NAA35: variants seen among roughly 807,000 people sequenced by gnomAD.
NAA35 encodes the protein N-alpha-acetyltransferase 35, NatC auxiliary subunit, also known as MAK10 homolog, amino-acid N-acetyltransferase subunit.
NAA35 carries 18 observed loss-of-function variants against 101.7 expected under a neutral mutation model. That is an observed-to-expected ratio of 0.18 (90% CI 0.12 to 0.26). The LOEUF (loss-of-function observed/expected upper bound fraction) is 0.26, where lower values mean the gene tolerates loss of function less well. Ranked by LOEUF, NAA35 falls within the 10% of genes least tolerant of loss-of-function variation. The pLI is 1.00. For synonymous variants in NAA35, 267 were observed against 273.1 expected (o/e 0.98, Z 0.22); for missense variants, 601 against 886.8 (o/e 0.68, Z 4.09).
At chr9:85,995,540 T>C (rs181444682) in intron 11 of NAA35, among the ~76,000 whole-genome samples, 1 of 152,090 alleles carries the variant, frequency 6.6e-6, no homozygotes, top group East Asian at 1.9e-4. Context: ...GGTTTATATA[T>C]CTCAGGGGCA....
intron 11 of NAA35, among the ~76,000 whole-genome samples, chr9:85,989,297 C>G (rs1830791825): frequency 6.6e-6 from 1 of 151,890 alleles, no homozygotes; most frequent in African/African-American, 2.4e-5. Context: ...ATGGGGAAAC[C>G]CTGTCTGTAA....
At chr9:85,990,780 A>T (rs948848701) in intron 11 of NAA35, among the ~76,000 whole-genome samples, 1 of 152,188 alleles carries the variant, frequency 6.6e-6, no homozygotes, top group Non-Finnish European at 1.5e-5. Flanking sequence ...CACATGGGAG[A>T]TAGGAGTAGC....
chr9:85,978,271 G>A lies in NAA35; in HGVS notation c.767G>A (p.Ser256Asn). ...TTTTGGTGATTTATTTGCTAGACCA[G>A]TGCTGTTGCAGAAGCTCAAAAATTG... ...VLIAFTKKETSAVAEAQKLMV... is the reference protein window; with the variant it reads ...VLIAFTKKETNAVAEAQKLMV... The change falls in exon 11 of 23, where the codon AGT (serine) becomes AAT (asparagine). Residue 256 changes from serine (S) to asparagine (N), a missense_variant. Physicochemically the swap from Ser to Asn is conservative, Grantham distance 46. This residue lies in a region of NAA35 where 190 missense variants were observed against 223.1 expected (regional missense o/e 0.85). Coordinates refer to ENST00000361671, the MANE Select transcript of NAA35 (RefSeq NM_024635.4). The A allele has an allele frequency of 6.3e-7, 1 of 1,599,480 alleles. No homozygotes were observed. The highest frequency in any genetic ancestry group is 8.6e-7 in the Non-Finnish European group (1 of 1,166,820).
chr9:85,983,010 G>T, intron 11 of NAA35, among the ~76,000 whole-genome samples: 1 of 152,156 alleles, frequency 6.6e-6, no homozygotes, highest in East Asian at 1.9e-4. Context: ...ATGGGTATGA[G>T]AAATTTAGCT....
intron 11 of NAA35, among the ~76,000 whole-genome samples, chr9:85,993,530 G>C (rs761096307): frequency 7.2e-5 from 11 of 152,218 alleles, no homozygotes; most frequent in Non-Finnish European, 1.3e-4. Flanking sequence ...TGGAGTGATA[G>C]ACTGAGAAAT....
At chr9:85,986,810 C>T (rs919892172) in intron 11 of NAA35, 12 of 242,874 alleles carry the variant, frequency 4.9e-5, no homozygotes, top group Admixed American at 2.1e-4. Flanking sequence ...AGGCTGGTCT[C>T]GAACTCCTGA....
At chr9:85,990,274 T>A (rs1190343975) in intron 11 of NAA35, among the ~76,000 whole-genome samples, 1 of 152,248 alleles carries the variant, frequency 6.6e-6, no homozygotes, top group Non-Finnish European at 1.5e-5. Flanking sequence ...GGCATTAATC[T>A]GTTTAGGAGA....
At chr9:85,967,591 A>G (rs1829812887) in intron 6 of NAA35, among the ~76,000 whole-genome samples, 1 of 152,076 alleles carries the variant, frequency 6.6e-6, no homozygotes, top group Non-Finnish European at 1.5e-5. Flanking sequence ...GGCAGAGGTC[A>G]GGAGATCGAG....
At chr9:85,958,187 C>T (rs1410832353) in intron 3 of NAA35, among the ~76,000 whole-genome samples, 5 of 152,110 alleles carry the variant, frequency 3.3e-5, no homozygotes, top group Admixed American at 2.6e-4. Context: ...GTGATCCACC[C>T]GCCTCAGCCT....
rs145818034 is a variant in NAA35, at chr9:85,962,105, G to A, written c.441G>A (p.Lys147=). 5.6e-6 allele frequency: 9 copies of A among 1,613,980 alleles called. No homozygotes were observed. Among genetic ancestry groups the A allele is most frequent in the Non-Finnish European group, 6.8e-6 (8 of 1,180,008 alleles). ...ACTTTATAGAAGATCCTGCTATGAA[G>A]GCTTTTGCTCTGGGAATCTTGAAAA... ...NPDFIEDPAM[K]AFALGILKIC... is the part of the protein sequence containing the mutation. Residue 147 remains lysine, a synonymous_variant, in exon 6 of 23, where the codon AAG becomes AAA. Transcript: ENST00000361671.
intron 12 of NAA35, 80 bp from the exon 13 acceptor site, chr9:86,003,504 TA>T: frequency 1.4e-6 from 1 of 703,370 alleles, no homozygotes. Flanking sequence ...GAAGGTCTAG[TA>T]AAAATTACAG....
chr9:85,976,631 G>T, intron 8 of NAA35, 54 bp from the exon 9 acceptor site: 1 of 1,287,354 alleles, frequency 7.8e-7, no homozygotes, highest in Non-Finnish European at 1.1e-6. Flanking sequence ...TTATGTATTT[G>T]TAATGTAATA....
chr9:85,977,977 G>T (rs1587607247), intron 10 of NAA35, among the ~76,000 whole-genome samples: 2 of 146,540 alleles, frequency 1.4e-5, no homozygotes, highest in Admixed American at 6.8e-5. Flanking sequence ...TAGAATTGTT[G>T]AAAATTTTTT....
chr9:86,007,330 G>T, intron 13 of NAA35, 28 bp from the exon 14 acceptor site: 1 of 1,491,652 alleles, frequency 6.7e-7, no homozygotes, highest in South Asian at 1.1e-5. Context: ...GCGTGACACC[G>T]TAACTAATAT....
intron 1 of NAA35, chr9:85,941,931 C>A (rs1264593894): frequency 8.1e-7 from 1 of 1,232,492 alleles, no homozygotes; most frequent in Non-Finnish European, 1.0e-6. Context: ...TGTTTATGGG[C>A]CCTGGTAGGT....
intron 9 of NAA35, 23 bp from the exon 10 acceptor site, chr9:85,977,340 T>G: frequency 6.4e-7 from 1 of 1,555,094 alleles, no homozygotes; most frequent in African/African-American, 1.4e-5. Flanking sequence ...CTTTTAACTT[T>G]TAGTCCTTTC....
chr9:85,948,912 A>G (rs1828883351), intron 2 of NAA35, among the ~76,000 whole-genome samples: 1 of 151,528 alleles, frequency 6.6e-6, no homozygotes. Context: ...CGCCCACCAC[A>G]TGCTCAGCTA....
At chr9:85,942,064 T>G in intron 1 of NAA35, 91 bp from the exon 2 acceptor site, 2 of 1,527,624 alleles carry the variant, frequency 1.3e-6, no homozygotes, top group Non-Finnish European at 1.8e-6. Flanking sequence ...TAGTTAAGAC[T>G]TCATCCTATG....
chr9:86,008,751 T>C (rs1236281926), intron 14 of NAA35, among the ~76,000 whole-genome samples: 1 of 152,252 alleles, frequency 6.6e-6, no homozygotes, highest in South Asian at 2.1e-4. Context: ...TTCAGTGTTA[T>C]AGATGAGAAT....
Sources: allele counts gnomAD v4.1 joint callset (sites outside exome capture counted in the v4.1 genomes callset), GRCh38; gene constraint gnomAD v4.1.1; regional missense constraint gnomAD v4.1.1; transcripts MANE v1.5; gene names NCBI Gene and HGNC (gene_info 2026-07-23, HGNC 2026-07-21).